Variants in MYO18A observed in about 807,000 individuals in gnomAD.
MYO18A encodes myosin XVIIIA, also known as unconventional myosin-XVIIIa.
A neutral mutation model predicts 235.8 loss-of-function variants in MYO18A; 78 were observed. That is an observed-to-expected ratio of 0.33 (90% CI 0.28 to 0.40). The LOEUF (loss-of-function observed/expected upper bound fraction) is 0.40, where lower values mean the gene tolerates loss of function less well. Ranked by LOEUF, MYO18A falls within the 10% of genes least tolerant of loss-of-function variation. The probability of loss-of-function intolerance (pLI) is 1.00; values close to 1 mark genes in which losing one functional copy is unlikely to be tolerated. For missense variants in MYO18A, 2,215 were observed against 2,699.3 expected, an observed-to-expected ratio of 0.82 and a Z score of 3.98; for synonymous variants, 977 against 1,077.8, an observed-to-expected ratio of 0.91 and a Z score of 1.83.
chr17:29,110,382 C>T, intron 18 of MYO18A, 54 bp downstream of exon 18: 1 of 1,512,114 alleles, frequency 6.6e-7, no homozygotes, highest in African/African-American at 1.4e-5. Flanking sequence ...GCCTGCCTAC[C>T]AGGGGTAAGG....
In MYO18A at chr17:29,166,452, G is replaced by GGGGGCGGCAGAGTGCTCTGAGGGCGA; in HGVS notation, c.488_489insTCGCCCTCAGAGCACTCTGCCGCCCC (p.Ser164ArgfsTer15). On this transcript the variant is annotated frameshift_variant, in exon 2 of 42. Coordinates refer to ENST00000527372, the MANE Select transcript of MYO18A (RefSeq NM_078471.4). LOFTEE classifies it high-confidence loss of function. Reference sequence around the variant, plus strand: ...GAGTCCTCACCTCCACCTGTGGCGAGGGGGCGGCAGAGTGCTCTGAGGGCG... The same window carrying GGGGGCGGCAGAGTGCTCTGAGGGCGA: ...GAGTCCTCACCTCCACCTGTGGCGAGGGGGCGGCAGAGTGCTCTGAGGGCGAGGGGCGGCAGAGTGCTCTGAGGGCG... 2 of 1,613,792 alleles carry GGGGGCGGCAGAGTGCTCTGAGGGCGA rather than the reference G, an allele frequency of 1.2e-6. No homozygotes were observed. Among genetic ancestry groups the GGGGGCGGCAGAGTGCTCTGAGGGCGA allele is most frequent in the Non-Finnish European group, 1.7e-6 (2 of 1,179,878 alleles).
chr17:29,073,620 TG>T lies in MYO18A; in HGVS notation c.*1149del. On this transcript the variant is annotated 3_prime_UTR_variant, in exon 42 of 42. Coordinates refer to ENST00000527372, the MANE Select transcript of MYO18A (RefSeq NM_078471.4). ...TGCAGGAGAGAAGGGGGGCGGCAGA[TG>T]GGAGCAGCACCAGGCACTGCACTTG... The T allele has an allele frequency of 2.1e-6, 1 of 469,564 alleles. No homozygotes were observed. The highest frequency in any genetic ancestry group is 3.6e-5 in the Admixed American group (1 of 27,628). 29.1% of individuals were successfully genotyped at this position (469,564 alleles called of 1,614,324 possible).
chr17:29,095,089 T>C (rs1216606865), intron 28 of MYO18A, 30 bp from the exon 29 acceptor site: 2 of 1,500,202 alleles, frequency 1.3e-6, no homozygotes, highest in South Asian at 1.3e-5. Flanking sequence ...CTCCATCAGA[T>C]GGGGAAGAGC....
chr17:29,125,094 G>A lies in MYO18A; in HGVS notation c.1000-2841C>T, dbSNP rs1281618994. On this transcript the variant is annotated intron_variant, in intron 2 of 41. Coordinates refer to ENST00000527372, the MANE Select transcript of MYO18A (RefSeq NM_078471.4). The surrounding 1 kb of genome is among the most constrained non-coding windows in gnomAD (Gnocchi z 5.1). ...CCACCTCACCACACCCAAGGCCTGGGCCCCCTGCCAGCCTCTTGCCTTATC... is the reference window on the plus strand; with the variant it reads ...CCACCTCACCACACCCAAGGCCTGGACCCCCTGCCAGCCTCTTGCCTTATC... 1.3e-5 allele frequency among the ~76,000 whole-genome samples: 2 copies of A among 152,182 alleles called. No homozygotes were observed. The highest frequency in any genetic ancestry group is 2.9e-5 in the Non-Finnish European group (2 of 68,020).
At chr17:29,102,877 G>A (rs1235053989) in intron 21 of MYO18A, among the ~76,000 whole-genome samples, 1 of 152,202 alleles carries the variant, frequency 6.6e-6, no homozygotes, top group Non-Finnish European at 1.5e-5. Flanking sequence ...TCTGCTGGCA[G>A]ACAACTGGTC....
At chr17:29,178,586 T>C (rs2068584429) in intron 1 of MYO18A, among the ~76,000 whole-genome samples, 1 of 152,024 alleles carries the variant, frequency 6.6e-6, no homozygotes, top group Non-Finnish European at 1.5e-5. Context: ...CAGGAGGATG[T>C]TTCCTGGAAA....
chr17:29,086,417 G>A (rs1282726588), intron 39 of MYO18A, 21 bp downstream of exon 39: 1 of 1,578,718 alleles, frequency 6.3e-7, no homozygotes, highest in Non-Finnish European at 8.6e-7. Flanking sequence ...AGCTGCAGAT[G>A]CCCCAGAGGC....
Position 29,118,123 on chromosome 17 carries a change from T to C in MYO18A, c.1960A>G (p.Ile654Val). 1.2e-5 allele frequency: 19 copies of C among 1,596,514 alleles called. No homozygotes were observed. Among genetic ancestry groups the C allele is most frequent in the Non-Finnish European group, 1.5e-5 (18 of 1,171,118 alleles). Reference sequence around the variant, plus strand: ...CAGGCCTTCTGTTCATCGGGGGAGATGCCCAGCACCTTCATGGCCGCCTGC... The same window carrying C: ...CAGGCCTTCTGTTCATCGGGGGAGACGCCCAGCACCTTCATGGCCGCCTGC... ...KLQAAMKVLG[I>V]SPDEQKACWF... The change falls in exon 10 of 42, where the codon ATC (isoleucine) becomes GTC (valine). Residue 654 changes from isoleucine to valine, a missense_variant. Coordinates refer to ENST00000527372, the MANE Select transcript of MYO18A (RefSeq NM_078471.4). This position sits in a 1 kb window ranked among gnomAD's most constrained non-coding sequence, Gnocchi z 4.2.
intron 27 of MYO18A, 146 bp downstream of exon 27, chr17:29,097,077 G>GC (rs960563324): frequency 7.2e-6 from 10 of 1,392,406 alleles, no homozygotes; most frequent in Non-Finnish European, 9.6e-6. Flanking sequence ...GCTCCTGATT[G>GC]CCCCTGCACC....
chr17:29,107,430 C>T (rs2066816861), intron 19 of MYO18A: 2 of 482,702 alleles, frequency 4.1e-6, no homozygotes, highest in African/African-American at 2.0e-5. Flanking sequence ...AAAAAAGGAA[C>T]AGCCTCCTTC....
intron 1 of MYO18A, among the ~76,000 whole-genome samples, chr17:29,175,894 C>T (rs1218493227): frequency 6.6e-6 from 1 of 152,016 alleles, no homozygotes; most frequent in Non-Finnish European, 1.5e-5. Flanking sequence ...CCTGTCTCTA[C>T]TAAAAATACA....
At chr17:29,146,101 T>A (rs1383507894) in intron 2 of MYO18A, among the ~76,000 whole-genome samples, 2 of 151,762 alleles carry the variant, frequency 1.3e-5, no homozygotes, top group Non-Finnish European at 2.9e-5. Flanking sequence ...CTACTAAAAA[T>A]ACAAAAATTA....
At chr17:29,114,744 G>A (rs1363715943) in intron 14 of MYO18A, among the ~76,000 whole-genome samples, 163 bp downstream of exon 14, 1 of 152,204 alleles carries the variant, frequency 6.6e-6, no homozygotes, top group Admixed American at 6.5e-5. Flanking sequence ...CGTAGCCAAA[G>A]CCAGAGGCCA....
chr17:29,093,035 C>T (rs750024751), intron 32 of MYO18A, 34 bp from the exon 33 acceptor site: 1 of 1,601,244 alleles, frequency 6.2e-7, no homozygotes. Flanking sequence ...GTTCTGGGCT[C>T]TGCACAGGGC....
rs1245436135 is a variant in MYO18A at position 29,121,258 on chromosome 17, C to G, written c.1372-47G>C. 2 of 1,539,088 alleles carry G rather than the reference C, an allele frequency of 1.3e-6. No individual in the cohort carries two copies. Among genetic ancestry groups the G allele is most frequent in the Non-Finnish European group, 1.8e-6 (2 of 1,134,682 alleles). ...GAGAAGGGGTTGGCTCTTAGCTGAT[C>G]CCATTAAGACACCCCTCACCCCCAA... On this transcript the variant is annotated intron_variant, in intron 5 of 41. Coordinates refer to ENST00000527372, the MANE Select transcript of MYO18A (RefSeq NM_078471.4). The surrounding 1 kb of genome is among the most constrained non-coding windows in gnomAD (Gnocchi z 4.2).
chr17:29,091,688 A>G, intron 34 of MYO18A: 1 of 454,742 alleles, frequency 2.2e-6, no homozygotes, highest in South Asian at 1.6e-5. Context: ...TGAGATTGGC[A>G]TCTCTCAGCA....
intron 39 of MYO18A, among the ~76,000 whole-genome samples, 156 bp downstream of exon 39, chr17:29,086,282 C>T (rs2066251591): frequency 6.6e-6 from 1 of 152,188 alleles, no homozygotes; most frequent in Admixed American, 6.5e-5. Context: ...CCCTGCAGGA[C>T]AGGCTGTGCT....
Position 29,135,662 on chromosome 17 carries a change from C to T in MYO18A, c.1000-13409G>A, listed in dbSNP as rs527271847. Among the ~76,000 whole-genome samples the T allele has an allele frequency of 6.6e-5, 10 of 152,346 alleles. No homozygotes were observed. In the South Asian group the frequency reaches 1.9e-3, roughly 28 times the overall value. ...GGACACCGGGCCATTTCCACCCAGG[C>T]CTGTTCCTCTGCATCAGCTGTTCCT... On this transcript the variant is annotated intron_variant, in intron 2 of 41. Coordinates refer to ENST00000527372, the MANE Select transcript of MYO18A (RefSeq NM_078471.4).
At position 29,115,360 on chromosome 17, in the gene MYO18A, A is replaced by C. The variant is rs1445529324; in HGVS notation, c.2309T>G (p.Leu770Arg). 1.1e-5 allele frequency: 18 copies of C among 1,613,842 alleles called. No homozygotes were observed. Among genetic ancestry groups the C allele is most frequent in the Non-Finnish European group, 1.4e-5 (17 of 1,179,874 alleles). ...YSELFTLLVS[L>R]VNRALKSSQH... is the part of the protein sequence containing the mutation. ...CCTGCCTGGCACTCACCTATTCACC[A>C]GGGAGACGAGAAGGGTGAAGAGCTC... is the stretch of plus-strand genomic sequence containing the variant. The change falls in exon 13 of 42, where the codon CTG becomes CGG. Residue 770 changes from leucine to arginine, a missense_variant. Coordinates refer to ENST00000527372, the MANE Select transcript of MYO18A (RefSeq NM_078471.4).
Sources: gnomAD v4.1 joint callset for allele counts (sites outside exome capture counted in the v4.1 genomes callset) on GRCh38, gnomAD v4.1.1 for gene constraint, Gnocchi (gnomAD v3.1) non-coding constraint, MANE v1.5 for transcripts, NCBI Gene and HGNC (gene_info 2026-07-23, HGNC 2026-07-21) for gene names.